DNAI4: variants seen among roughly 807,000 people sequenced by gnomAD.
DNAI4 encodes the protein dynein axonemal intermediate chain 4.
A neutral mutation model predicts 105.8 loss-of-function variants in DNAI4; 85 were observed. That is an observed-to-expected ratio of 0.80 (90% CI 0.67 to 0.96). The LOEUF (loss-of-function observed/expected upper bound fraction) is 0.96. DNAI4 is among the 40% of genes least tolerant of loss of function. DNAI4 has a pLI of 0.00. For missense variants in DNAI4, 1,014 were observed against 1,005.6 expected, an observed-to-expected ratio of 1.01 and a Z score of -0.11; for synonymous variants, 352 against 331.5, an observed-to-expected ratio of 1.06 and a Z score of -0.67.
intron 2 of DNAI4, among the ~76,000 whole-genome samples, chr1:66,903,660 GT>G (rs996743056): frequency 8.5e-5 from 13 of 152,086 alleles, no homozygotes; most frequent in Middle Eastern, 3.4e-3. Flanking sequence ...CGGCTGGCTA[GT>G]TTTTTTGTAT....
At chr1:66,913,782 A>C (rs914501978) in intron 1 of DNAI4, among the ~76,000 whole-genome samples, 1 of 151,958 alleles carries the variant, frequency 6.6e-6, no homozygotes, top group East Asian at 1.9e-4. Context: ...GGAAATCGAG[A>C]CCATCCTGGC....
intron 14 of DNAI4, among the ~76,000 whole-genome samples, chr1:66,827,378 C>T (rs1645777170): frequency 6.6e-6 from 1 of 151,630 alleles, no homozygotes; most frequent in Admixed American, 6.6e-5. Context: ...TAGCCAGGTG[C>T]AGTGGTGTTT....
At position 66,874,886 on chromosome 1, in the gene DNAI4, A is replaced by G. The variant is rs1646928823; in HGVS notation, c.695T>C (p.Leu232Pro). ...APEKIVTKED[L>P]EKNIEIILTE... ...GAGTATTATCTCTATATTCTTCTCC[A>G]GGTCTTCTTTTGTTACAATTTTTTC... Residue 232 changes from leucine (L) to proline (P), a missense_variant, in exon 5 of 17, where the codon CTG becomes CCG. By Grantham distance (98) the Leu-to-Pro change is moderately conservative (BLOSUM62 -3). Transcript: ENST00000371026. 1 of 1,612,862 alleles carries G rather than the reference A, an allele frequency of 6.2e-7. No individual in the cohort carries two copies. Among genetic ancestry groups the G allele is most frequent in the Non-Finnish European group, 8.5e-7 (1 of 1,179,608 alleles).
intron 14 of DNAI4, 160 bp from the exon 15 acceptor site, chr1:66,827,206 C>T (rs1445710238): frequency 6.7e-6 from 4 of 599,438 alleles, no homozygotes; most frequent in African/African-American, 1.9e-5. Context: ...TTGAATCTTC[C>T]CTAAATTATT....
chr1:66,845,217 T>TAAAAAAAAAAAA (rs869249698), intron 8 of DNAI4, among the ~76,000 whole-genome samples: 1 of 38,106 alleles, frequency 2.6e-5, no homozygotes, highest in Non-Finnish European at 5.2e-5. Context: ...AAAGAAAAAT[T>TAAAAAAAAAAAA]AAAAAAAAAA....
chr1:66,871,483 A>C lies in DNAI4; in HGVS notation c.827T>G (p.Leu276Arg). 1.9e-6 allele frequency: 3 copies of C among 1,596,890 alleles called. No individual in the cohort carries two copies. The highest frequency in any genetic ancestry group is 2.6e-6 in the Non-Finnish European group (3 of 1,174,164). Residue 276 changes from leucine (L) to arginine (R), a missense_variant, in exon 6 of 17, where the codon CTT (leucine) becomes CGT (arginine). By Grantham distance (102) the Leu-to-Arg change is moderately radical (BLOSUM62 -2). Transcript: ENST00000371026. The part of the protein sequence containing the change: ...VTQRNKNYEV[L>R]CRNRLGNDLY... The stretch of plus-strand genomic sequence containing the variant: ...GTCATTGCCTAATCTGTTTCTACAA[A>C]GGACTTCATAATTCTTGTTTCTCTG...
intron 8 of DNAI4, among the ~76,000 whole-genome samples, chr1:66,842,701 G>A (rs758953725): frequency 5.3e-5 from 8 of 151,982 alleles, no homozygotes; most frequent in African/African-American, 1.4e-4. Context: ...CCAGACAAGA[G>A]TATGTTTAGC....
intron 9 of DNAI4, among the ~76,000 whole-genome samples, chr1:66,838,456 T>A (rs890447181): frequency 6.6e-6 from 1 of 152,200 alleles, no homozygotes; most frequent in African/African-American, 2.4e-5. Flanking sequence ...CTTTCCAGCC[T>A]CCAGATTTAT....
At chr1:66,922,650 T>C (rs531306795) in intron 1 of DNAI4, among the ~76,000 whole-genome samples, 1 of 152,172 alleles carries the variant, frequency 6.6e-6, no homozygotes, top group Admixed American at 6.5e-5. Context: ...GTAGTCTGGA[T>C]TTATTTGGCA....
chr1:66,826,257 G>A lies in DNAI4; in HGVS notation c.2339+563C>T, dbSNP rs182874217. The stretch of plus-strand genomic sequence containing the variant: ...CAAGATAGCTATTATATCCTATATC[G>A]TCCTATAAAAGTTTGAGGAGATGAG... On this transcript the variant is annotated intron_variant, in intron 15 of 16. Transcript: ENST00000371026. Among the ~76,000 whole-genome samples, 269 of 150,334 alleles carry A rather than the reference G, an allele frequency of 1.8e-3. 4 individuals are homozygous for A. In the Middle Eastern group the frequency reaches 0.024, roughly 13 times the overall value.
chr1:66,905,753 T>C (rs1649191429), intron 1 of DNAI4, among the ~76,000 whole-genome samples: 1 of 152,088 alleles, frequency 6.6e-6, no homozygotes, highest in Non-Finnish European at 1.5e-5. Context: ...ACTTAACTCA[T>C]CGGTTATTAT....
At chr1:66,875,500 T>C (rs1646941244) in intron 4 of DNAI4, among the ~76,000 whole-genome samples, 1 of 151,860 alleles carries the variant, frequency 6.6e-6, no homozygotes, top group Non-Finnish European at 1.5e-5. Flanking sequence ...AATAATAGAG[T>C]GAAAATAATT....
Position 66,847,525 on chromosome 1 carries a change from T to C in DNAI4, c.1250A>G (p.Gln417Arg), listed in dbSNP as rs776215798. 11 of 1,613,198 alleles carry C rather than the reference T, an allele frequency of 6.8e-6. No individual in the cohort carries two copies. Among genetic ancestry groups the C allele is most frequent in the African/African-American group, 1.3e-5 (1 of 74,870 alleles). ...CTGACGATAAGCTGCAAGTTTGGGC[T>C]GAAATATATTTTCCATCAGAACCCG... is the stretch of plus-strand genomic sequence containing the variant. ...MERVLMENIF[Q>R]PKLAAYRQLP... is the part of the protein sequence containing the mutation. The change falls in exon 8 of 17, where the codon CAG (glutamine) becomes CGG (arginine). Residue 417 changes from glutamine to arginine, a missense_variant. Transcript: ENST00000371026.
chr1:66,873,912 T>A (rs1646906087), intron 5 of DNAI4, among the ~76,000 whole-genome samples: 2 of 150,268 alleles, frequency 1.3e-5, no homozygotes, highest in South Asian at 4.2e-4. Context: ...TATGAGCTTT[T>A]AAAGGTACGC....
Position 66,910,378 on chromosome 1 carries a change from G to A in DNAI4, c.171-5003C>T, listed in dbSNP as rs149210188. Among the ~76,000 whole-genome samples the A allele has an allele frequency of 1.8e-3, 281 of 152,156 alleles. 1 individual carries two copies. The highest frequency in any genetic ancestry group is 5.3e-3 in the African/African-American group (220 of 41,506). Reference sequence around the variant, plus strand: ...AGCTAGGCCTCTGATTTCATCTTTCGTGATCTCTTCCTTGTTTACTCTGCT... The same window carrying A: ...AGCTAGGCCTCTGATTTCATCTTTCATGATCTCTTCCTTGTTTACTCTGCT... On this transcript the variant is annotated intron_variant, in intron 1 of 16. Coordinates refer to ENST00000371026, the MANE Select transcript of DNAI4 (RefSeq NM_024763.5).
chr1:66,831,476 A>C (rs1645865497), intron 13 of DNAI4, among the ~76,000 whole-genome samples: 1 of 152,210 alleles, frequency 6.6e-6, no homozygotes, highest in South Asian at 2.1e-4. Context: ...TAAACATTCA[A>C]AAAATCAATC....
Position 66,822,510 on chromosome 1 carries a change from G to T in DNAI4, c.2347C>A (p.Pro783Thr). The T allele has an allele frequency of 1.3e-6, 2 of 1,584,758 alleles. No individual in the cohort carries two copies. Among genetic ancestry groups the T allele is most frequent in the South Asian group, 1.2e-5 (1 of 84,748 alleles). Residue 783 changes from proline to threonine, a missense_variant, in exon 16 of 17, where the codon CCT becomes ACT. Coordinates refer to ENST00000371026, the MANE Select transcript of DNAI4 (RefSeq NM_024763.5). The stretch of plus-strand genomic sequence containing the variant: ...GGGTTAGCAGTATTCACAATCAGAG[G>T]GTCCAAACTGTAATGAAATATTTTA... ...IWDLHISTLD[P>T]LIVNTANPGI...
At position 66,847,675 on chromosome 1, in the gene DNAI4, C is replaced by A; in HGVS notation, c.1100G>T (p.Ser367Ile). 2 of 1,599,018 alleles carry A rather than the reference C, an allele frequency of 1.3e-6. No homozygotes were observed. The highest frequency in any genetic ancestry group is 8.5e-7 in the Non-Finnish European group (1 of 1,172,024). ...RLPGSTTEKNSETSSLMDIEN... is the reference protein window; with the variant it reads ...RLPGSTTEKNIETSSLMDIEN... ...TATGTCCATTAGAGAACTAGTTTCA[C>A]TATCTACAAAATACAAACATGATAC... The change falls in exon 8 of 17, where the codon AGT becomes ATT. Residue 367 changes from serine to isoleucine, a missense_variant. Coordinates refer to ENST00000371026, the MANE Select transcript of DNAI4 (RefSeq NM_024763.5).
In DNAI4 at chr1:66,815,552, C is replaced by T. The variant is rs549324386; in HGVS notation, c.2497-1372G>A. Among the ~76,000 whole-genome samples the T allele has an allele frequency of 3.3e-5, 5 of 152,126 alleles. No homozygotes were observed. The East Asian group carries it at 9.6e-4, about 29-fold the overall frequency. On this transcript the variant is annotated intron_variant, in intron 16 of 16. Coordinates refer to ENST00000371026, the MANE Select transcript of DNAI4 (RefSeq NM_024763.5). ...TGGAAAAATGTAAACAGCAAGAACACAGAGAAAAACATGGTAAACATTTGT... is the reference window on the plus strand; with the variant it reads ...TGGAAAAATGTAAACAGCAAGAACATAGAGAAAAACATGGTAAACATTTGT...
Sources: allele counts gnomAD v4.1 joint callset (sites outside exome capture counted in the v4.1 genomes callset), GRCh38; gene constraint gnomAD v4.1.1; transcripts MANE v1.5; gene names NCBI Gene and HGNC (gene_info 2026-07-23, HGNC 2026-07-21).